CAPN3: variants seen among roughly 807,000 people sequenced by gnomAD.
CAPN3 encodes calpain 3, also known as calpain-3.
Under a neutral mutation model 114.0 loss-of-function variants are expected in CAPN3, and 88 were observed. The observed-to-expected ratio is 0.77, with a 90% confidence interval of 0.65 to 0.92. The LOEUF (loss-of-function observed/expected upper bound fraction) is 0.92. Among genes scored for constraint, CAPN3 ranks in the 40% least tolerant of loss-of-function variants. The probability of loss-of-function intolerance (pLI) is 0.00; values close to 1 mark genes in which losing one functional copy is unlikely to be tolerated. For missense variants in CAPN3, 1,028 were observed against 1,069.0 expected (o/e 0.96, Z 0.53); for synonymous variants, 386 against 382.9 (o/e 1.01, Z -0.09).
At chr15:42,400,466 C>T (rs767486971) in intron 10 of CAPN3, among the ~76,000 whole-genome samples, 5 of 152,058 alleles carry the variant, frequency 3.3e-5, no homozygotes, top group Non-Finnish European at 5.9e-5. Flanking sequence ...GTGGGTGGCT[C>T]ATGCCTATAA....
At chr15:42,380,754 T>A (rs868454406) in intron 1 of CAPN3, among the ~76,000 whole-genome samples, 16,130 of 67,330 alleles carry the variant, frequency 0.24, 464 homozygotes, top group East Asian at 0.39. Flanking sequence ...TATATATATT[T>A]TTTTTTTTTT....
chr15:42,402,492 G>A (rs971272559), intron 12 of CAPN3: 1 of 1,428,624 alleles, frequency 7.0e-7, no homozygotes, highest in Non-Finnish European at 9.1e-7. Context: ...ACCCAGCCAA[G>A]TCCTCTAGGC....
chr15:42,405,959 G>A lies in CAPN3; in HGVS notation c.1800+16G>A. The A allele has an allele frequency of 6.2e-7, 1 of 1,609,710 alleles. No individual in the cohort carries two copies. Among genetic ancestry groups the A allele is most frequent in the Non-Finnish European group, 8.5e-7 (1 of 1,175,970 alleles). ...AAAAACCAAGGTAGGTGTGTGGGTA[G>A]AGAGCATGAAGTGTGTGTACTCATG... On this transcript the variant is annotated intron_variant, in intron 15 of 23. Transcript: ENST00000397163.
At position 42,411,886 on chromosome 15, in the gene CAPN3, C is replaced by A; in HGVS notation, c.*113C>A. Reference sequence around the variant, plus strand: ...CCAGCAGCTACACCCCTACAGGCTTCCAGGCACCTCATCAGTCATGCTCCT... The same window carrying A: ...CCAGCAGCTACACCCCTACAGGCTTACAGGCACCTCATCAGTCATGCTCCT... On this transcript the variant is annotated 3_prime_UTR_variant, in exon 24 of 24. Coordinates refer to ENST00000397163, the MANE Select transcript of CAPN3 (RefSeq NM_000070.3). 1.3e-6 allele frequency: 2 copies of A among 1,593,490 alleles called. No individual in the cohort carries two copies. The highest frequency in any genetic ancestry group is 1.7e-6 in the Non-Finnish European group (2 of 1,169,538).
At chr15:42,370,796 T>C (rs944628111) in intron 1 of CAPN3, among the ~76,000 whole-genome samples, 5 of 152,186 alleles carry the variant, frequency 3.3e-5, no homozygotes, top group African/African-American at 4.8e-5. Flanking sequence ...TTCAGCGTCC[T>C]AGTAGGTGTG....
intron 2 of CAPN3, among the ~76,000 whole-genome samples, chr15:42,385,229 A>G (rs1162319309): frequency 6.6e-6 from 1 of 152,202 alleles, no homozygotes; most frequent in African/African-American, 2.4e-5. Context: ...ACCTAAGACC[A>G]AAGGAATTTG....
intron 1 of CAPN3, among the ~76,000 whole-genome samples, chr15:42,366,833 T>TC (rs1336036744): frequency 2.1e-5 from 3 of 145,148 alleles, no homozygotes; most frequent in African/African-American, 8.2e-5. Flanking sequence ...TTTTTCTTTT[T>TC]TTTTTTCTTT....
At chr15:42,406,043 C>T in intron 15 of CAPN3, 100 bp downstream of exon 15, 1 of 1,036,326 alleles carries the variant, frequency 9.6e-7, no homozygotes, top group Non-Finnish European at 1.5e-6. Context: ...ATCCATGCAC[C>T]AGACTTGCCT....
In CAPN3 at chr15:42,359,892, C is replaced by G. The variant is rs1296837467; in HGVS notation, c.87C>G (p.Ser29Arg). 1 of 1,614,228 alleles carries G rather than the reference C, an allele frequency of 6.2e-7. No individual in the cohort carries two copies. The highest frequency in any genetic ancestry group is 1.3e-5 in the African/African-American group (1 of 75,060). The change falls in exon 1 of 24, where the codon AGC becomes AGG. Residue 29 changes from serine to arginine, a missense_variant. Ser to Arg is a moderately radical substitution (Grantham distance 110, BLOSUM62 -1). Transcript: ENST00000397163. ...GGCCAGTTCCTCACCCGGCCCAGAG[C>G]AAGGCCACTGAGGCTGGGGGTGGAA... ...SPGPVPHPAQ[S>R]KATEAGGGNP...
chr15:42,369,922 G>A (rs553695802), intron 1 of CAPN3, among the ~76,000 whole-genome samples: 7 of 150,220 alleles, frequency 4.7e-5, no homozygotes, highest in Non-Finnish European at 1.0e-4. Flanking sequence ...GCCCAGGCTG[G>A]AGTGCAATAG....
rs1219317944 is a variant in CAPN3, at chr15:42,386,214, C to T, written c.427C>T (p.His143Tyr). 3 of 1,614,140 alleles carry T rather than the reference C, an allele frequency of 1.9e-6. No homozygotes were observed. Among genetic ancestry groups the T allele is most frequent in the Non-Finnish European group, 2.5e-6 (3 of 1,180,002 alleles). The change falls in exon 3 of 24, where the codon CAC (histidine) becomes TAC (tyrosine). Residue 143 changes from histidine to tyrosine, a missense_variant. Coordinates refer to ENST00000397163, the MANE Select transcript of CAPN3 (RefSeq NM_000070.3). ...CATTGCCTGCCTGACCCTGAACCAG[C>T]ACCTTCTTTTCCGAGTCATACCCCA... The part of the protein sequence containing the change: ...AAIACLTLNQ[H>Y]LLFRVIPHDQ...
rs66487749 is a variant in CAPN3 at position 42,374,794 on chromosome 15, C to CTTT, written c.310-9667_310-9665dup. On this transcript the variant is annotated intron_variant, in intron 1 of 23. Transcript: ENST00000397163. ...TGCATTGTAATCGAATATCATGTCT[C>CTTT]TTTTTTTTTTTTTTTTTTTTTTTTG... Among the ~76,000 whole-genome samples, 154 of 85,438 alleles carry CTTT rather than the reference C, an allele frequency of 1.8e-3. 1 individual carries two copies. The highest frequency in any genetic ancestry group is 2.1e-3 in the Non-Finnish European group (99 of 46,916). 56.1% of individuals were successfully genotyped at this position (85,438 alleles called of 152,430 possible). A position where few individuals can be genotyped will look rare whatever the true frequency, so the allele number is the denominator to read the frequency against.
At chr15:42,360,228 C>A (rs929884119) in intron 1 of CAPN3, 114 bp downstream of exon 1, 12 of 1,119,746 alleles carry the variant, frequency 1.1e-5, no homozygotes, top group African/African-American at 1.5e-5. Context: ...ATCCTGGCAG[C>A]AGCTCTGCTG....
intron 16 of CAPN3, chr15:42,409,012 C>G (rs886512778): frequency 3.6e-5 from 17 of 471,866 alleles, no homozygotes; most frequent in Admixed American, 2.4e-4. Context: ...ATGGTCAGGC[C>G]TGGGATGGTG....
At chr15:42,388,647 ATGTAG>A (rs1036958182) in intron 4 of CAPN3, among the ~76,000 whole-genome samples, 1 of 151,586 alleles carries the variant, frequency 6.6e-6, no homozygotes, top group African/African-American at 2.4e-5. Context: ...AACGTTCAGG[ATGTAG>A]TGGAAAGAGC....
chr15:42,384,393 A>G (rs2053327281), intron 1 of CAPN3, 90 bp from the exon 2 acceptor site: 1 of 945,962 alleles, frequency 1.1e-6, no homozygotes, highest in Non-Finnish European at 1.7e-6. Context: ...GCCTGGCGAC[A>G]GAGTGAGACT....
intron 8 of CAPN3, among the ~76,000 whole-genome samples, chr15:42,396,549 A>G (rs2053697836): frequency 6.6e-6 from 1 of 152,144 alleles, no homozygotes; most frequent in Non-Finnish European, 1.5e-5. Context: ...CCAGAACTCA[A>G]TTCTTAACCT....
chr15:42,408,696 A>T (rs1391503192), intron 16 of CAPN3: 1 of 359,680 alleles, frequency 2.8e-6, no homozygotes, highest in East Asian at 7.2e-5. Context: ...ATAGGAGCAG[A>T]AAAGTGGGGC....
At chr15:42,372,780 G>A (rs1187479780) in intron 1 of CAPN3, among the ~76,000 whole-genome samples, 4 of 151,998 alleles carry the variant, frequency 2.6e-5, no homozygotes, top group Non-Finnish European at 4.4e-5. Flanking sequence ...CCCAGGAGGC[G>A]GAGGTTGCAG....
Sources: gnomAD v4.1 joint callset for allele counts (sites outside exome capture counted in the v4.1 genomes callset) on GRCh38, gnomAD v4.1.1 for gene constraint, MANE v1.5 for transcripts, NCBI Gene and HGNC (gene_info 2026-07-23, HGNC 2026-07-21) for gene names.